The following LYRM4 variants were observed in gnomAD, a reference collection of about 807,000 sequenced individuals.
LYRM4 encodes the protein LYR motif-containing protein 4.
Under a neutral mutation model 11.7 loss-of-function variants are expected in LYRM4, and 9 were observed. That is an observed-to-expected ratio of 0.77 (90% CI 0.46 to 1.34). LYRM4 has a LOEUF of 1.34. Ranked by LOEUF, LYRM4 falls within the 40% of genes most tolerant of loss-of-function variation. The pLI, the probability that LYRM4 is intolerant of heterozygous loss-of-function variation, is 0.00. For synonymous variants in LYRM4, 42 were observed against 40.4 expected (o/e 1.04, Z -0.15); for missense variants, 133 against 112.5 (o/e 1.18, Z -0.82).
chr6:5,138,595 C>T, intron 2 of LYRM4: 1 of 555,300 alleles, frequency 1.8e-6, no homozygotes, highest in Non-Finnish European at 2.8e-6. Context: ...TGAATGATTT[C>T]CAGACTAAGT....
chr6:5,145,537 C>T (rs533267922), intron 2 of LYRM4, among the ~76,000 whole-genome samples: 1 of 152,280 alleles, frequency 6.6e-6, no homozygotes, highest in South Asian at 2.1e-4. Flanking sequence ...CTCTGCCACA[C>T]CTAAGGCCCT....
At position 5,113,062 on chromosome 6, in the gene LYRM4, A is replaced by G. The variant is rs1762955393; in HGVS notation, c.208-3571T>C. 1.5e-5 allele frequency: 3 copies of G among 196,628 alleles called. No homozygotes were observed. In the South Asian group the frequency reaches 2.1e-4, roughly 14 times the overall value. 12.2% of individuals were successfully genotyped at this position (196,628 alleles called of 1,614,324 possible). ...CCAACCCACCCAGATCTGTGGTTAAAAAGATCACCTTGTCTTCAGGTCAAG... is the reference window on the plus strand; with the variant it reads ...CCAACCCACCCAGATCTGTGGTTAAGAAGATCACCTTGTCTTCAGGTCAAG... On this transcript the variant is annotated intron_variant, in intron 2 of 2. Coordinates refer to ENST00000330636, the MANE Select transcript of LYRM4 (RefSeq NM_020408.6).
At chr6:5,039,798 G>C in the LYRM4 span, among the ~76,000 whole-genome samples, 1 of 152,006 alleles carries the variant, frequency 6.6e-6, no homozygotes, top group African/African-American at 2.4e-5. Context: ...GAAAAGCCAA[G>C]ACATTCTTAA....
chr6:5,216,697 T>C lies in LYRM4; in HGVS notation c.128A>G (p.Asn43Ser). 1 of 1,613,958 alleles carries C rather than the reference T, an allele frequency of 6.2e-7. No individual in the cohort carries two copies. The highest frequency in any genetic ancestry group is 8.5e-7 in the Non-Finnish European group (1 of 1,180,002). ...TTCTACAGGATCCTTTACATTTTTA[T>C]TTTCTCTGAAGGCATCTCTTATCCT... ...VRRIRDAFRE[N>S]KNVKDPVEIQ... Residue 43 changes from asparagine to serine, a missense_variant, in exon 2 of 3, where the codon AAT becomes AGT. Transcript: ENST00000330636.
At position 5,127,430 on chromosome 6, in the gene LYRM4, A is replaced by C. The variant is rs115643784; in HGVS notation, c.208-17939T>G. Among the ~76,000 whole-genome samples the C allele has an allele frequency of 4.9e-3, 753 of 152,290 alleles. 6 individuals carry two copies. The highest frequency in any genetic ancestry group is 0.017 in the African/African-American group (720 of 41,558). On this transcript the variant is annotated intron_variant, in intron 2 of 2. Coordinates refer to ENST00000330636, the MANE Select transcript of LYRM4 (RefSeq NM_020408.6). ...GTAAATTTTAAGGTATGTGAATCTC[A>C]ATAAAGATGTTAAAAAATACAGGTT... is the stretch of plus-strand genomic sequence containing the variant.
the LYRM4 span, among the ~76,000 whole-genome samples, chr6:5,095,461 C>T: frequency 1.3e-5 from 2 of 152,142 alleles, no homozygotes; most frequent in Admixed American, 6.6e-5. Context: ...CAGAAACAAC[C>T]GGATTGGTTA....
At chr6:5,055,935 C>CTTCT in the LYRM4 span, among the ~76,000 whole-genome samples, 1 of 151,852 alleles carries the variant, frequency 6.6e-6, no homozygotes, top group East Asian at 1.9e-4. The surrounding 1 kb of genome is among the most constrained non-coding windows in gnomAD (Gnocchi z 4.5). Context: ...GATCTCCTTC[C>CTTCT]TTCTTTCCTT....
chr6:5,203,728 A>C (rs1020035304), intron 2 of LYRM4, among the ~76,000 whole-genome samples: 3 of 152,208 alleles, frequency 2.0e-5, no homozygotes, highest in African/African-American at 7.2e-5. Flanking sequence ...CGTGTATTAT[A>C]ACAAGAACAG....
chr6:5,230,043 C>A (rs1221733025), intron 1 of LYRM4, among the ~76,000 whole-genome samples: 1 of 152,166 alleles, frequency 6.6e-6, no homozygotes, highest in Non-Finnish European at 1.5e-5. Flanking sequence ...AAAGTAAAGG[C>A]CACCTATAAA....
chr6:5,242,470 A>G (rs1223113538), intron 1 of LYRM4, among the ~76,000 whole-genome samples: 1 of 151,472 alleles, frequency 6.6e-6, no homozygotes, highest in African/African-American at 2.4e-5. Flanking sequence ...CTGTAATCCC[A>G]GCACTTTGGG....
intron 2 of LYRM4, chr6:5,136,379 G>A: frequency 1.0e-6 from 1 of 985,406 alleles, no homozygotes; most frequent in Non-Finnish European, 1.2e-6. Flanking sequence ...TGAGGGTGGA[G>A]AAGCGGGAAG....
At chr6:5,201,383 A>C (rs1761386534) in intron 2 of LYRM4, among the ~76,000 whole-genome samples, 1 of 152,206 alleles carries the variant, frequency 6.6e-6, no homozygotes, top group South Asian at 2.1e-4. Context: ...AGTGGCCTGG[A>C]AACATACCAA....
At chr6:5,126,287 G>C (rs1290864698) in intron 2 of LYRM4, among the ~76,000 whole-genome samples, 2 of 152,212 alleles carry the variant, frequency 1.3e-5, no homozygotes, top group Non-Finnish European at 2.9e-5. Context: ...GACCTGGCCA[G>C]AGCCAGGCCA....
intron 1 of LYRM4, among the ~76,000 whole-genome samples, chr6:5,223,743 T>G (rs1368368662): frequency 6.6e-6 from 1 of 152,046 alleles, no homozygotes; most frequent in Non-Finnish European, 1.5e-5. Context: ...AATAATTGAG[T>G]TTAATTGTTT....
At chr6:5,218,127 A>T in intron 1 of LYRM4, 4 of 611,122 alleles carry the variant, frequency 6.5e-6, no homozygotes, top group Non-Finnish European at 8.2e-6. Flanking sequence ...GGCTGGTCTT[A>T]AACTCCTGGG....
intron 1 of LYRM4, among the ~76,000 whole-genome samples, chr6:5,259,487 T>C (rs1764850439): frequency 6.6e-6 from 1 of 152,220 alleles, no homozygotes. Context: ...TTTTCAAATT[T>C]GCAGCATGAG....
At chr6:5,117,100 G>A (rs1763152264) in intron 2 of LYRM4, among the ~76,000 whole-genome samples, 1 of 152,170 alleles carries the variant, frequency 6.6e-6, no homozygotes, top group Non-Finnish European at 1.5e-5. Flanking sequence ...CACTAGATAT[G>A]AAGAAAATCT....
At chr6:5,085,958 C>T in the LYRM4 span, 4 of 1,527,468 alleles carry the variant, frequency 2.6e-6, no homozygotes, top group African/African-American at 1.4e-5. Flanking sequence ...CAGGTGCCGC[C>T]CGCCGTGCTC....
chr6:5,050,684 A>C, the LYRM4 span, among the ~76,000 whole-genome samples: 1 of 152,218 alleles, frequency 6.6e-6, no homozygotes, highest in Non-Finnish European at 1.5e-5. Context: ...AGAAGACCTT[A>C]AGTTTACAGT....
Sources: allele counts gnomAD v4.1 joint callset (sites outside exome capture counted in the v4.1 genomes callset), GRCh38; gene constraint gnomAD v4.1.1; non-coding constraint Gnocchi (gnomAD v3.1); transcripts MANE v1.5; gene names NCBI Gene and HGNC (gene_info 2026-07-23, HGNC 2026-07-21).